The following SYNCRIP variants were observed in gnomAD, a reference collection of about 807,000 sequenced individuals.
SYNCRIP encodes heterogeneous nuclear ribonucleoprotein Q.
SYNCRIP carries 9 observed loss-of-function variants against 68.9 expected under a neutral mutation model. The ratio of observed to expected loss-of-function variants is 0.13; its 90% confidence interval spans 0.08 to 0.23. The LOEUF is 0.23. SYNCRIP is among the 10% of genes least tolerant of loss of function. The pLI is 1.00. For synonymous variants in SYNCRIP, 258 were observed against 254.0 expected (o/e 1.02, Z -0.15); for missense variants, 414 against 770.6 (o/e 0.54, Z 5.48).
rs1310688462 is a variant in SYNCRIP, at chr6:85,618,799, G to A, written c.1280+19C>T. The A allele has an allele frequency of 3.8e-6, 6 of 1,560,820 alleles. No individual in the cohort carries two copies. The highest frequency in any genetic ancestry group is 5.2e-6 in the Non-Finnish European group (6 of 1,150,196). Reference sequence around the variant, plus strand: ...ATATTAAAATTTATACAATTTTTAAGTATACAAATTTCACTCACATTTGAT... The same window carrying A: ...ATATTAAAATTTATACAATTTTTAAATATACAAATTTCACTCACATTTGAT... On this transcript the variant is annotated intron_variant, in intron 10 of 10. Coordinates refer to ENST00000369622, the MANE Select transcript of SYNCRIP (RefSeq NM_006372.5).
intron 6 of SYNCRIP, among the ~76,000 whole-genome samples, chr6:85,627,036 C>G (rs944767094): frequency 6.6e-6 from 1 of 152,086 alleles, no homozygotes; most frequent in Non-Finnish European, 1.5e-5. Flanking sequence ...GAGGCTGAGG[C>G]GGGCGAATTG....
At chr6:85,626,390 AGGT>A (rs1418614264) in intron 6 of SYNCRIP, among the ~76,000 whole-genome samples, 1 of 152,068 alleles carries the variant, frequency 6.6e-6, no homozygotes, top group African/African-American at 2.4e-5. Flanking sequence ...TACCAGAAAA[AGGT>A]GGAAAGAAAT....
chr6:85,628,799 T>C (rs1163703227), intron 6 of SYNCRIP, among the ~76,000 whole-genome samples: 1 of 152,200 alleles, frequency 6.6e-6, no homozygotes, highest in African/African-American at 2.4e-5. Flanking sequence ...TCTCAGGCTA[T>C]CAAAAGTTTT....
At chr6:85,627,799 T>C (rs145045715) in intron 6 of SYNCRIP, among the ~76,000 whole-genome samples, 27 of 152,262 alleles carry the variant, frequency 1.8e-4, no homozygotes, top group Admixed American at 5.2e-4. Context: ...ATGAACCAAA[T>C]AGAAAATGAA....
chr6:85,613,836 GGTTA>G (rs1805472425), downstream of SYNCRIP: 1 of 337,514 alleles, frequency 3.0e-6, no homozygotes, highest in African/African-American at 2.2e-5. Context: ...CTGAGTTTTA[GGTTA>G]GTTAGGATAA....
At chr6:85,620,232 C>G (rs1806235230) in intron 8 of SYNCRIP, among the ~76,000 whole-genome samples, 1 of 152,162 alleles carries the variant, frequency 6.6e-6, no homozygotes, top group South Asian at 2.1e-4. Flanking sequence ...GGTAACACAG[C>G]GAGACTCTGT....
chr6:85,617,236 G>A (rs1337892767), intron 10 of SYNCRIP, among the ~76,000 whole-genome samples: 3 of 149,530 alleles, frequency 2.0e-5, no homozygotes, highest in Non-Finnish European at 4.4e-5. Context: ...GTTAAAGTAC[G>A]AAAGTAACAT....
chr6:85,626,490 G>C (rs1257242443), intron 6 of SYNCRIP, among the ~76,000 whole-genome samples: 1 of 152,114 alleles, frequency 6.6e-6, no homozygotes, highest in Non-Finnish European at 1.5e-5. Flanking sequence ...TTTTCCAAAT[G>C]TTCTAAAATC....
intron 7 of SYNCRIP, among the ~76,000 whole-genome samples, chr6:85,623,574 A>AC (rs1806685475): frequency 4.6e-5 from 7 of 150,956 alleles, no homozygotes; most frequent in East Asian, 2.0e-4. Context: ...AAAAAAAAAA[A>AC]AAAAAAAAAC....
rs572472894 is a variant in SYNCRIP at position 85,619,208 on chromosome 6, A to G, written c.1158+60T>C. 4 of 1,588,448 alleles carry G rather than the reference A, an allele frequency of 2.5e-6. No homozygotes were observed. The African/African-American group carries it at 4.1e-5, about 16-fold the overall frequency. ...CTCCAATTTGTAAAACTATTTTGAG[A>G]TTCTAAAATGACTAAATTTGTTAGT... On this transcript the variant is annotated intron_variant, in intron 9 of 10. Coordinates refer to ENST00000369622, the MANE Select transcript of SYNCRIP (RefSeq NM_006372.5).
At chr6:85,613,034 T>C (rs189232473), downstream of SYNCRIP, 574 of 1,293,234 alleles carry the variant, frequency 4.4e-4, 2 homozygotes, top group Admixed American at 8.2e-3. Context: ...ATTCTAAATA[T>C]ACTGTCTAGC....
exon 12 of SYNCRIP, chr6:85,608,549 G>A (rs975435564): frequency 2.6e-5 from 4 of 151,918 alleles, no homozygotes; most frequent in African/African-American, 7.2e-5. Flanking sequence ...AAATCAAAGG[G>A]CCTGCAGACA....
chr6:85,640,122 A>T, intron 4 of SYNCRIP, 99 bp downstream of exon 4: 1 of 779,504 alleles, frequency 1.3e-6, no homozygotes, highest in South Asian at 1.7e-5. Context: ...AATTATCTCA[A>T]CATCTAACAT....
At chr6:85,619,051 TGCAG>T (rs1224297615) in intron 9 of SYNCRIP, 112 bp from the exon 10 acceptor site, 9 of 1,217,472 alleles carry the variant, frequency 7.4e-6, no homozygotes, top group Non-Finnish European at 1.1e-5. Context: ...GAAAGCCCCA[TGCAG>T]GCAGTCAAAT....
intron 6 of SYNCRIP, among the ~76,000 whole-genome samples, chr6:85,627,357 C>T (rs974831190): frequency 1.3e-5 from 2 of 151,208 alleles, no homozygotes; most frequent in Non-Finnish European, 2.9e-5. Flanking sequence ...AGTCATTAAG[C>T]GAACAAAGTA....
chr6:85,636,071 A>G (rs78240142), intron 6 of SYNCRIP, among the ~76,000 whole-genome samples: 2,219 of 152,340 alleles, frequency 0.015, 31 homozygotes, highest in Non-Finnish European at 0.022. Context: ...CTTCAACTAT[A>G]AAATGCAGAA....
rs1809110566 is a variant in SYNCRIP, at chr6:85,641,272, T to C, written c.148+20A>G. On this transcript the variant is annotated intron_variant, in intron 2 of 10. Coordinates refer to ENST00000369622, the MANE Select transcript of SYNCRIP (RefSeq NM_006372.5). ...AATAGAAAAATTTCATAATGTAATT[T>C]TGCAAGTGTTAGTTCTTACCTGCAA... 6.3e-7 allele frequency: 1 copy of C among 1,588,462 alleles called. No individual in the cohort carries two copies. The highest frequency in any genetic ancestry group is 8.5e-7 in the Non-Finnish European group (1 of 1,169,676).
intron 8 of SYNCRIP, among the ~76,000 whole-genome samples, chr6:85,619,892 T>G (rs780329130): frequency 6.6e-6 from 1 of 152,204 alleles, no homozygotes; most frequent in South Asian, 2.1e-4. Flanking sequence ...TTACCCAGAG[T>G]TGAAAACTTA....
downstream of SYNCRIP, chr6:85,610,469 G>C (rs2128274131): frequency 6.6e-6 from 1 of 151,928 alleles, no homozygotes; most frequent in African/African-American, 2.4e-5. Flanking sequence ...CCCAAATTAA[G>C]AATGCCAAAT....
Sources: allele counts gnomAD v4.1 joint callset (sites outside exome capture counted in the v4.1 genomes callset), GRCh38; gene constraint gnomAD v4.1.1; transcripts MANE v1.5; gene names NCBI Gene and HGNC (gene_info 2026-07-23, HGNC 2026-07-21).